Variants in RTL4 observed in about 807,000 individuals in gnomAD.
The protein encoded by RTL4 is retrotransposon Gag-like protein 4.
In RTL4, 4 loss-of-function variants were observed where a neutral mutation model predicts 5.3. The ratio of observed to expected loss-of-function variants is 0.75; its 90% confidence interval spans 0.37 to 1.72. RTL4 has a LOEUF of 1.72. Among genes scored for constraint, RTL4 ranks in the 40% most tolerant of loss-of-function variants. The probability of loss-of-function intolerance (pLI) is 0.04; values close to 1 mark genes in which losing one functional copy is unlikely to be tolerated. For synonymous variants in RTL4, 98 were observed against 87.3 expected, an observed-to-expected ratio of 1.12 and a Z score of -0.68; for missense variants, 260 against 227.1, an observed-to-expected ratio of 1.14 and a Z score of -0.93.
At chrX:112,218,351 A>T in the RTL4 span, among the ~76,000 whole-genome samples, 1 of 111,859 alleles carries the variant, frequency 8.9e-6, no homozygotes, top group Non-Finnish European at 1.9e-5. Context: ...CTGTCAACTA[A>T]TCATGACATG....
the RTL4 span, among the ~76,000 whole-genome samples, chrX:112,144,072 T>A: frequency 1.8e-5 from 2 of 112,118 alleles, no homozygotes; most frequent in Admixed American, 1.9e-4. Flanking sequence ...TTCTTGTTAA[T>A]CTTAAATATT....
At chrX:112,301,728 C>T in the RTL4 span, among the ~76,000 whole-genome samples, 8 of 109,512 alleles carry the variant, frequency 7.3e-5, no homozygotes, top group Non-Finnish European at 1.5e-4. Context: ...TTTGGGAGGC[C>T]GAGGTGGGAG....
At chrX:112,242,162 T>C in the RTL4 span, among the ~76,000 whole-genome samples, 11 of 112,032 alleles carry the variant, frequency 9.8e-5, 1 homozygote, top group East Asian at 2.5e-3. Flanking sequence ...TTGCTTAGTA[T>C]TGTCTTGGCA....
the RTL4 span, among the ~76,000 whole-genome samples, chrX:112,419,816 G>T: frequency 1.9e-5 from 2 of 107,120 alleles, no homozygotes; most frequent in African/African-American, 6.8e-5. Flanking sequence ...CAGAACAGAT[G>T]CAGCCAGGGC....
chrX:112,424,762 A>C, the RTL4 span, among the ~76,000 whole-genome samples: 1 of 111,109 alleles, frequency 9.0e-6, no homozygotes, highest in Admixed American at 9.6e-5. Context: ...TTTTTACATT[A>C]ATATATTTTA....
the RTL4 span, among the ~76,000 whole-genome samples, chrX:112,167,036 A>T: frequency 9.0e-6 from 1 of 111,503 alleles, no homozygotes; most frequent in Non-Finnish European, 1.9e-5. Flanking sequence ...CACTGAAAGC[A>T]TCTATCTTTG....
chrX:112,380,544 G>C, the RTL4 span, among the ~76,000 whole-genome samples: 1 of 112,213 alleles, frequency 8.9e-6, no homozygotes, highest in Non-Finnish European at 1.9e-5. Flanking sequence ...ACTGAAGGAA[G>C]TTTGGATTGT....
At chrX:112,333,136 G>A in the RTL4 span, among the ~76,000 whole-genome samples, 1 of 110,613 alleles carries the variant, frequency 9.0e-6, no homozygotes, top group Non-Finnish European at 1.9e-5. Flanking sequence ...GTGCATGTGT[G>A]TATATGTATT....
chrX:112,133,089 G>A, the RTL4 span, among the ~76,000 whole-genome samples: 14 of 111,717 alleles, frequency 1.3e-4, no homozygotes, highest in Non-Finnish European at 1.9e-5. Context: ...GTGAAATAGC[G>A]GCATATAGGA....
At chrX:112,123,539 C>G in the RTL4 span, among the ~76,000 whole-genome samples, 1 of 111,985 alleles carries the variant, frequency 8.9e-6, no homozygotes, top group Admixed American at 9.5e-5. Context: ...ATATGGCTAG[C>G]CAGTTTTCCC....
the RTL4 span, among the ~76,000 whole-genome samples, chrX:112,246,946 G>C: frequency 8.9e-6 from 1 of 112,055 alleles, no homozygotes; most frequent in East Asian, 2.8e-4. Flanking sequence ...ACTTGAAGTG[G>C]CAAAACATTG....
chrX:112,354,516 A>T, the RTL4 span, among the ~76,000 whole-genome samples: 1 of 111,778 alleles, frequency 8.9e-6, no homozygotes, highest in Non-Finnish European at 1.9e-5. Context: ...ATTTTTGCTC[A>T]TTATGTAAAG....
chrX:112,456,123 G>A (rs1926840331), exon 1 of RTL4: 1 of 296,401 alleles, frequency 3.4e-6, no homozygotes, highest in Admixed American at 6.1e-5. Context: ...AGGACCTTTG[G>A]CTGAAGTCCA....
the RTL4 span, among the ~76,000 whole-genome samples, chrX:112,330,802 A>C: frequency 2.7e-5 from 3 of 111,599 alleles, no homozygotes; most frequent in Non-Finnish European, 5.7e-5. Context: ...CTGGTACCAA[A>C]ACAGAGATAT....
chrX:112,145,380 T>G, the RTL4 span, among the ~76,000 whole-genome samples: 1 of 111,785 alleles, frequency 8.9e-6, no homozygotes, highest in East Asian at 2.8e-4. Context: ...CTTCCCTGAC[T>G]TTCTCTGGAC....
chrX:112,339,040 T>C, the RTL4 span, among the ~76,000 whole-genome samples: 7 of 111,292 alleles, frequency 6.3e-5, no homozygotes, highest in African/African-American at 2.3e-4. Context: ...ACAAAATGTA[T>C]GACATGGCTC....
chrX:112,361,491 A>T, the RTL4 span, among the ~76,000 whole-genome samples: 1 of 111,294 alleles, frequency 9.0e-6, no homozygotes, highest in African/African-American at 3.3e-5. Flanking sequence ...CAAGACTGAG[A>T]ATTCTAGGCT....
chrX:112,176,294 A>G, the RTL4 span, among the ~76,000 whole-genome samples: 1 of 112,239 alleles, frequency 8.9e-6, no homozygotes, highest in Admixed American at 9.4e-5. Flanking sequence ...AAATGGCCAT[A>G]CTGCCCAAGG....
chrX:112,441,218 G>A, the RTL4 span, among the ~76,000 whole-genome samples: 3 of 110,112 alleles, frequency 2.7e-5, no homozygotes, highest in Non-Finnish European at 5.7e-5. Flanking sequence ...TCTATTGTTA[G>A]GCAGTTCTAA....
Sources: gnomAD v4.1 joint callset for allele counts (sites outside exome capture counted in the v4.1 genomes callset) on GRCh38, gnomAD v4.1.1 for gene constraint, MANE v1.5 for transcripts, NCBI Gene and HGNC (gene_info 2026-07-23, HGNC 2026-07-21) for gene names.